The following NLRP12 variants were observed in gnomAD, a reference collection of about 807,000 sequenced individuals.
The protein encoded by NLRP12 is NLR family pyrin domain containing 12, also known as NACHT, LRR and PYD domains-containing protein 12.
In NLRP12, 108 loss-of-function variants were observed where a neutral mutation model predicts 91.2. The observed-to-expected ratio is 1.18, with a 90% CI of 1.01 to 1.39. The LOEUF is 1.39. Among genes scored for constraint, NLRP12 ranks in the 40% most tolerant of loss-of-function variants. The pLI, the probability that NLRP12 is intolerant of heterozygous loss-of-function variation, is 0.00. For synonymous variants in NLRP12, 613 were observed against 566.7 expected (o/e 1.08, Z -1.16); for missense variants, 1,530 against 1,352.7 (o/e 1.13, Z -2.06).
intron 1 of NLRP12, among the ~76,000 whole-genome samples, chr19:53,819,626 C>CAT (rs10655031): frequency 0.016 from 679 of 41,450 alleles, 88 homozygotes; most frequent in Admixed American, 0.024. Context: ...TACGTATATA[C>CAT]GCGTATATAT....
chr19:53,810,463 G>C lies in NLRP12; in HGVS notation c.1196C>G (p.Thr399Ser), dbSNP rs1207888560. ...GCACACCAGGGGGACGAAGCACATG[G>C]TGAAGAGAGGCTCGTTGTCCCTCAC... ...NYVRDNEPLF[T>S]MCFVPLVCWV... Residue 399 changes from threonine (T) to serine (S), a missense_variant, in exon 3 of 10, where the codon ACC (threonine) becomes AGC (serine). Coordinates refer to ENST00000324134, the MANE Select transcript of NLRP12 (RefSeq NM_144687.4). 3 of 1,614,036 alleles carry C rather than the reference G, an allele frequency of 1.9e-6. No individual in the cohort carries two copies. The highest frequency in any genetic ancestry group is 1.7e-6 in the Non-Finnish European group (2 of 1,180,040).
chr19:53,810,526 A>T lies in NLRP12; in HGVS notation c.1133T>A (p.Phe378Tyr). 1 of 1,614,124 alleles carries T rather than the reference A, an allele frequency of 6.2e-7. No homozygotes were observed. Among genetic ancestry groups the T allele is most frequent in the Non-Finnish European group, 8.5e-7 (1 of 1,180,016 alleles). ...TTGGCCCGCCTGCTCTGCATTGTGG[A>T]AATACTTGTAGAAGTATTCCTTCCT... is the stretch of plus-strand genomic sequence containing the variant. ...AERKEYFYKYFHNAEQAGQVF... is the reference protein window; with the variant it reads ...AERKEYFYKYYHNAEQAGQVF... Residue 378 changes from phenylalanine to tyrosine, a missense_variant, in exon 3 of 10, where the codon TTC becomes TAC. Coordinates refer to ENST00000324134, the MANE Select transcript of NLRP12 (RefSeq NM_144687.4).
At chr19:53,806,343 A>C (rs1054993544) in intron 4 of NLRP12, among the ~76,000 whole-genome samples, 1 of 152,042 alleles carries the variant, frequency 6.6e-6, no homozygotes, top group African/African-American at 2.4e-5. Context: ...GTTTGAGACC[A>C]GTATGGGCAG....
intron 2 of NLRP12, among the ~76,000 whole-genome samples, chr19:53,812,403 ACT>A (rs1247014642): frequency 4.8e-5 from 7 of 145,126 alleles, no homozygotes; most frequent in Non-Finnish European, 9.0e-5. Flanking sequence ...ACAGCGTGAG[ACT>A]CTGCCTCAAA....
chr19:53,798,074 T>G (rs1215986049), intron 8 of NLRP12, among the ~76,000 whole-genome samples, 169 bp downstream of exon 8: 1 of 152,216 alleles, frequency 6.6e-6, no homozygotes, highest in Admixed American at 6.5e-5. Context: ...CACCCCCAAA[T>G]CAGAATAAGT....
In NLRP12 at chr19:53,798,258, C is replaced by G. The variant is rs781748402; in HGVS notation, c.2912G>C (p.Arg971Thr). Residue 971 changes from arginine (R) to threonine (T), a missense_variant, in exon 8 of 10, where the codon AGA becomes ACA. Physicochemically the swap from Arg to Thr is moderately conservative, Grantham distance 71. Transcript: ENST00000324134. ...CGATGCTCACCACAGTTTCTGGAGT[C>G]TGCAGGCGGGATGTTGCAGCCCCTC... Reference protein sequence around the residue: ...LAEGLQHPACRLQKLWLDSCG... With the variant: ...LAEGLQHPACTLQKLWLDSCG... The G allele has an allele frequency of 6.2e-7, 1 of 1,614,222 alleles. No homozygotes were observed. The highest frequency in any genetic ancestry group is 1.1e-5 in the South Asian group (1 of 91,088).
chr19:53,807,909 C>A (rs2091988534), intron 3 of NLRP12: 1 of 472,944 alleles, frequency 2.1e-6, no homozygotes, highest in Non-Finnish European at 4.0e-6. Flanking sequence ...AGCCACCACG[C>A]CCAGTTAATT....
In NLRP12 at chr19:53,810,050, G is replaced by A. The variant is rs868082006; in HGVS notation, c.1609C>T (p.Pro537Ser). ...AACAGCCTGGTCACGTCCTGGTCTG[G>A]GCCTGCCCCGCCCTCCCCCTCGTCC... ...ILDEGEGGAG[P>S]DQDVTRLLTE... Residue 537 changes from proline to serine, a missense_variant, in exon 3 of 10, where the codon CCA becomes TCA. Coordinates refer to ENST00000324134, the MANE Select transcript of NLRP12 (RefSeq NM_144687.4). 2 of 1,614,096 alleles carry A rather than the reference G, an allele frequency of 1.2e-6. No homozygotes were observed. Among genetic ancestry groups the A allele is most frequent in the African/African-American group, 1.3e-5 (1 of 75,028 alleles).
At chr19:53,807,815 A>G (rs982228210) in intron 3 of NLRP12, 150 bp from the exon 4 acceptor site, 18 of 824,378 alleles carry the variant, frequency 2.2e-5, no homozygotes, top group African/African-American at 1.7e-4. Flanking sequence ...CAATGGCGCA[A>G]TCTCAGCTCA....
At chr19:53,800,582 C>G (rs979963842) in intron 7 of NLRP12, among the ~76,000 whole-genome samples, 9 of 119,988 alleles carry the variant, frequency 7.5e-5, no homozygotes, top group South Asian at 3.0e-4. Context: ...TCAGAAAACC[C>G]CCCCCTTTTT....
intron 7 of NLRP12, 61 bp from the exon 8 acceptor site, chr19:53,798,474 G>A: frequency 1.3e-6 from 2 of 1,544,814 alleles, no homozygotes; most frequent in Non-Finnish European, 1.8e-6. Context: ...TCTGCTGGGA[G>A]GGCCCTGTGC....
Position 53,823,494 on chromosome 19 carries a change from A to ATAT in NLRP12, c.289+391_289+392insATA, listed in dbSNP as rs1568703208. Among the ~76,000 whole-genome samples, 267 of 81,980 alleles carry ATAT rather than the reference A, an allele frequency of 3.3e-3. 2 individuals carry two copies. Among genetic ancestry groups the ATAT allele is most frequent in the Middle Eastern group, 6.5e-3 (1 of 154 alleles). The allele number at this position is 81,980 out of a possible 152,430, so 53.8% of individuals were successfully genotyped here. A position where few individuals can be genotyped will look rare whatever the true frequency, so the allele number is the denominator to read the frequency against. On this transcript the variant is annotated intron_variant, in intron 1 of 9. Transcript: ENST00000324134. ...ATTTAAAATATATATTTTAAAATAT[A>ATAT]TTTATTTAAAATATATATTTAAAAC...
chr19:53,802,065 TAA>T (rs1441170194), intron 6 of NLRP12, among the ~76,000 whole-genome samples: 1 of 150,422 alleles, frequency 6.6e-6, no homozygotes. Context: ...CCGTCTCTAC[TAA>T]ATACAAAAAA....
In NLRP12 at chr19:53,819,629, G is replaced by GTA. The variant is rs1568696585; in HGVS notation, c.289+4255_289+4256dup. Among the ~76,000 whole-genome samples, 242 of 42,444 alleles carry GTA rather than the reference G, an allele frequency of 5.7e-3. 29 individuals are homozygous for GTA. The highest frequency in any genetic ancestry group is 0.011 in the Middle Eastern group (1 of 90). The allele number at this position is 42,444 out of a possible 152,430, so 27.8% of individuals were successfully genotyped here. On this transcript the variant is annotated intron_variant, in intron 1 of 9. Transcript: ENST00000324134. Reference sequence around the variant, plus strand: ...TATATGTATGTATACGTATATACGCGTATATATGTATGTATACGTATATAT... The same window carrying GTA: ...TATATGTATGTATACGTATATACGCGTATATATATGTATGTATACGTATATAT...
At chr19:53,801,450 T>C in intron 6 of NLRP12, 53 bp from the exon 7 acceptor site, 2 of 610,262 alleles carry the variant, frequency 3.3e-6, no homozygotes, top group Non-Finnish European at 2.4e-6. Context: ...TTCTTTTTCT[T>C]TTTTTTTTTT....
rs934554520 is a variant in NLRP12, at chr19:53,800,174, G to A, written c.2756+1053C>T. ...TTAAAAATTAGCCGGGCATGGTGGC[G>A]GGCACCTTTAGTCCCAGCTACTCGG... On this transcript the variant is annotated intron_variant, in intron 7 of 9. Coordinates refer to ENST00000324134, the MANE Select transcript of NLRP12 (RefSeq NM_144687.4). 1.8e-4 allele frequency among the ~76,000 whole-genome samples: 27 copies of A among 152,094 alleles called. 3 individuals carry two copies. Among genetic ancestry groups the A allele is most frequent in the Admixed American group, 1.1e-3 (17 of 15,260 alleles).
chr19:53,804,292 C>T (rs1194731230), intron 5 of NLRP12, among the ~76,000 whole-genome samples, 170 bp from the exon 6 acceptor site: 2 of 150,998 alleles, frequency 1.3e-5, no homozygotes, highest in Middle Eastern at 3.4e-3. Context: ...TCCAGGCTCC[C>T]GTGATCCTCC....
At chr19:53,804,979 G>A (rs548802855) in intron 5 of NLRP12, among the ~76,000 whole-genome samples, 2 of 152,154 alleles carry the variant, frequency 1.3e-5, no homozygotes, top group East Asian at 3.9e-4. Flanking sequence ...GCAGTGAGCC[G>A]AGATTGTGCC....
chr19:53,808,261 G>A (rs1445209861), intron 3 of NLRP12: 1 of 184,486 alleles, frequency 5.4e-6, no homozygotes, highest in Non-Finnish European at 1.2e-5. Flanking sequence ...ATCTCATCAT[G>A]TTGTCCAGGC....
Sources: allele counts gnomAD v4.1 joint callset (sites outside exome capture counted in the v4.1 genomes callset), GRCh38; gene constraint gnomAD v4.1.1; transcripts MANE v1.5; gene names NCBI Gene and HGNC (gene_info 2026-07-23, HGNC 2026-07-21).